DCC: variants seen among roughly 807,000 people sequenced by gnomAD.
The protein encoded by DCC is DCC netrin 1 receptor.
DCC carries 58 observed loss-of-function variants against 172.5 expected under a neutral mutation model. That is an observed-to-expected ratio of 0.34 (90% confidence interval 0.27 to 0.42). The LOEUF (loss-of-function observed/expected upper bound fraction) is 0.42, where lower values mean the gene tolerates loss of function less well. Ranked by LOEUF, DCC falls within the 10% of genes least tolerant of loss-of-function variation. The pLI is 1.00. For synonymous variants in DCC, 709 were observed against 644.5 expected, an observed-to-expected ratio of 1.10 and a Z score of -1.52; for missense variants, 1,740 against 1,791.0, an observed-to-expected ratio of 0.97 and a Z score of 0.51.
At chr18:52,598,624 T>C (rs1050568621) in intron 1 of DCC, among the ~76,000 whole-genome samples, 8 of 152,222 alleles carry the variant, frequency 5.3e-5, no homozygotes, top group Non-Finnish European at 1.0e-4. Context: ...GCTCAGGCTC[T>C]ATTCTTCTGC....
intron 1 of DCC, among the ~76,000 whole-genome samples, chr18:52,729,816 G>T (rs1475299660): frequency 6.6e-6 from 1 of 150,636 alleles, no homozygotes; most frequent in African/African-American, 2.4e-5. Flanking sequence ...AAATCTAAGG[G>T]TAGAACCACA....
rs143825016 is a variant in DCC, at chr18:53,202,325, A to T, written c.1574-2891A>T. Among the ~76,000 whole-genome samples the T allele has an allele frequency of 2.8e-3, 428 of 152,314 alleles. 4 individuals are homozygous for T. Among genetic ancestry groups the T allele is most frequent in the South Asian group, 9.5e-3 (46 of 4,822 alleles). The stretch of plus-strand genomic sequence containing the variant: ...GATTAAAAAGAGCTTCCCTAGTTGA[A>T]TCTGGGTAAATTTGAACACCAGTAT... On this transcript the variant is annotated intron_variant, in intron 9 of 28. Transcript: ENST00000442544.
intron 15 of DCC, among the ~76,000 whole-genome samples, chr18:53,353,052 G>A (rs34080320): frequency 0.1 from 15,722 of 152,062 alleles, 865 homozygotes; most frequent in Middle Eastern, 0.19. Flanking sequence ...TTTTATTAGA[G>A]TGGAGAAAAT....
chr18:52,729,793 AT>A (rs1251967223), intron 1 of DCC, among the ~76,000 whole-genome samples: 4 of 152,166 alleles, frequency 2.6e-5, no homozygotes, highest in African/African-American at 9.6e-5. Context: ...TAGAATGTTA[AT>A]CCATAAGAGG....
chr18:52,671,820 G>C (rs2035559434), intron 1 of DCC, among the ~76,000 whole-genome samples: 1 of 152,064 alleles, frequency 6.6e-6, no homozygotes, highest in African/African-American at 2.4e-5. Flanking sequence ...ACAGGCATGA[G>C]TCACCACACC....
chr18:52,786,397 G>A (rs577539069), intron 2 of DCC, among the ~76,000 whole-genome samples: 4 of 151,524 alleles, frequency 2.6e-5, no homozygotes, highest in Admixed American at 2.0e-4. Flanking sequence ...AGTGAGACAA[G>A]GATTTAATGA....
intron 2 of DCC, among the ~76,000 whole-genome samples, chr18:52,823,529 G>C (rs1028258048): frequency 6.6e-6 from 1 of 151,822 alleles, no homozygotes; most frequent in Non-Finnish European, 1.5e-5. Context: ...GGGAATACTT[G>C]GAATGTCAAA....
At chr18:52,509,544 T>C (rs1242369977) in intron 1 of DCC, among the ~76,000 whole-genome samples, 1 of 152,166 alleles carries the variant, frequency 6.6e-6, no homozygotes, top group Non-Finnish European at 1.5e-5. Flanking sequence ...CTTTATGAGA[T>C]GAATGTCAGC....
intron 1 of DCC, among the ~76,000 whole-genome samples, chr18:52,670,535 A>T (rs1599005239): frequency 6.6e-6 from 1 of 152,202 alleles, no homozygotes; most frequent in South Asian, 2.1e-4. Context: ...GGACAAGTTT[A>T]TCTGTACATA....
chr18:52,954,598 G>C (rs1157709967), intron 5 of DCC, among the ~76,000 whole-genome samples: 1 of 152,090 alleles, frequency 6.6e-6, no homozygotes, highest in Non-Finnish European at 1.5e-5. Flanking sequence ...GGTTCTGCAA[G>C]GATCTTGGAA....
chr18:52,765,502 G>C (rs2145156088), intron 2 of DCC, among the ~76,000 whole-genome samples: 1 of 152,228 alleles, frequency 6.6e-6, no homozygotes, highest in African/African-American at 2.4e-5. Flanking sequence ...CTCAGACTCA[G>C]TTCTTGCAAC....
At chr18:53,068,150 A>G (rs1282522107) in intron 7 of DCC, among the ~76,000 whole-genome samples, 1 of 152,126 alleles carries the variant, frequency 6.6e-6, no homozygotes, top group Non-Finnish European at 1.5e-5. Context: ...TGTCAGTGTA[A>G]CTTCATTGGT....
At chr18:52,831,824 A>C (rs746873667) in intron 2 of DCC, among the ~76,000 whole-genome samples, 6 of 152,116 alleles carry the variant, frequency 3.9e-5, no homozygotes, top group Non-Finnish European at 8.8e-5. Context: ...TAAACCAGGT[A>C]GTCATCCTAA....
At chr18:52,602,399 A>ATGTGTGTGTGTG (rs1316880662) in intron 1 of DCC, among the ~76,000 whole-genome samples, 2 of 19,274 alleles carry the variant, frequency 1.0e-4, no homozygotes, top group South Asian at 6.4e-3. Context: ...CTTAGTATCA[A>ATGTGTGTGTGTG]AGTGTGTGTG....
intron 7 of DCC, among the ~76,000 whole-genome samples, chr18:53,155,471 C>T (rs1282795185): frequency 2.0e-5 from 3 of 152,134 alleles, no homozygotes; most frequent in Admixed American, 6.6e-5. Context: ...CACAGCAAAG[C>T]TGAATTATGA....
At chr18:53,059,252 C>T (rs1362046151) in intron 5 of DCC, among the ~76,000 whole-genome samples, 1 of 152,012 alleles carries the variant, frequency 6.6e-6, no homozygotes. Flanking sequence ...AACTATAATT[C>T]AAGATGAGAT....
intron 1 of DCC, among the ~76,000 whole-genome samples, chr18:52,650,447 A>G (rs1246351995): frequency 6.6e-6 from 1 of 152,166 alleles, no homozygotes; most frequent in African/African-American, 2.4e-5. Context: ...CTTTCCATAT[A>G]TGGAAAACAG....
At chr18:53,372,552 C>T (rs939749229) in intron 15 of DCC, among the ~76,000 whole-genome samples, 4 of 151,850 alleles carry the variant, frequency 2.6e-5, no homozygotes, top group African/African-American at 7.3e-5. Flanking sequence ...ACCAAACCCC[C>T]GTGAATGCTG....
chr18:52,892,817 T>A (rs2039670564), intron 2 of DCC, among the ~76,000 whole-genome samples: 1 of 152,162 alleles, frequency 6.6e-6, no homozygotes, highest in Non-Finnish European at 1.5e-5. Flanking sequence ...ATTTTCATTG[T>A]GCAAATGCAT....
Sources: allele counts gnomAD v4.1 joint callset (sites outside exome capture counted in the v4.1 genomes callset), GRCh38; gene constraint gnomAD v4.1.1; transcripts MANE v1.5; gene names NCBI Gene and HGNC (gene_info 2026-07-23, HGNC 2026-07-21).